Variants in REEP3 observed in about 807,000 individuals in gnomAD.
The protein encoded by REEP3 is receptor expression-enhancing protein 3.
REEP3 carries 20 observed loss-of-function variants against 41.3 expected under a neutral mutation model. The ratio of observed to expected loss-of-function variants is 0.48; its 90% CI spans 0.34 to 0.70. The LOEUF is 0.70. Among genes scored for constraint, REEP3 ranks in the 30% least tolerant of loss-of-function variants. The pLI is 0.01. For missense variants in REEP3, 271 were observed against 308.8 expected, an observed-to-expected ratio of 0.88 and a Z score of 0.92; for synonymous variants, 104 against 101.8, an observed-to-expected ratio of 1.02 and a Z score of -0.13.
chr10:63,533,817 C>T (rs1955449293), intron 1 of REEP3, among the ~76,000 whole-genome samples: 1 of 150,768 alleles, frequency 6.6e-6, no homozygotes, highest in Non-Finnish European at 1.5e-5. Flanking sequence ...AAGCAATTCT[C>T]CTACCTCAGC....
chr10:63,617,126 C>T (rs1956318043), intron 6 of REEP3, among the ~76,000 whole-genome samples: 1 of 152,172 alleles, frequency 6.6e-6, no homozygotes, highest in South Asian at 2.1e-4. Flanking sequence ...CTACTCTCCT[C>T]ACTGCCTCTG....
chr10:63,581,052 G>T (rs1955949547), intron 2 of REEP3, among the ~76,000 whole-genome samples: 1 of 152,084 alleles, frequency 6.6e-6, no homozygotes, highest in African/African-American at 2.4e-5. Flanking sequence ...ATATCAGATA[G>T]ACCTATTTTT....
chr10:63,533,815 C>T (rs1197781829), intron 1 of REEP3, among the ~76,000 whole-genome samples: 2 of 150,582 alleles, frequency 1.3e-5, no homozygotes, highest in Non-Finnish European at 2.9e-5. Context: ...TCAAGCAATT[C>T]TCCTACCTCA....
chr10:63,581,153 A>G (rs1019167241), intron 2 of REEP3, among the ~76,000 whole-genome samples: 2 of 152,226 alleles, frequency 1.3e-5, no homozygotes, highest in African/African-American at 4.8e-5. Flanking sequence ...CCAGACATGT[A>G]CATCATCTTT....
intron 2 of REEP3, among the ~76,000 whole-genome samples, chr10:63,571,782 A>G (rs903505672): frequency 3.9e-5 from 6 of 152,248 alleles, no homozygotes; most frequent in Non-Finnish European, 7.3e-5. Context: ...TGAAGTAGGC[A>G]TAGAAAATAT....
intron 1 of REEP3, among the ~76,000 whole-genome samples, chr10:63,536,657 A>G (rs1213349666): frequency 6.6e-6 from 1 of 152,178 alleles, no homozygotes; most frequent in African/African-American, 2.4e-5. Flanking sequence ...ATTCTTTAAA[A>G]TCAGTAAGAA....
At chr10:63,609,598 T>C (rs541601196) in intron 5 of REEP3, among the ~76,000 whole-genome samples, 30 of 151,620 alleles carry the variant, frequency 2.0e-4, no homozygotes, top group Non-Finnish European at 3.7e-4. Context: ...CCATCTCTGT[T>C]AAAAATACAA....
At chr10:63,564,554 C>T (rs760897933) in intron 1 of REEP3, among the ~76,000 whole-genome samples, 2 of 151,450 alleles carry the variant, frequency 1.3e-5, no homozygotes, top group Admixed American at 6.6e-5. Flanking sequence ...ACCTGGGAGA[C>T]GGAGGCTGCA....
intron 2 of REEP3, among the ~76,000 whole-genome samples, chr10:63,569,283 T>G (rs977675195): frequency 3.1e-4 from 47 of 152,172 alleles, no homozygotes; most frequent in African/African-American, 1.1e-3. Context: ...GTTATTAAAT[T>G]AGATCTTTTT....
At chr10:63,524,438 CTT>C (rs1028959261) in intron 1 of REEP3, among the ~76,000 whole-genome samples, 1 of 149,452 alleles carries the variant, frequency 6.7e-6, no homozygotes, top group African/African-American at 2.5e-5. Context: ...GGACACCACT[CTT>C]TTTTTTTTCT....
chr10:63,521,540 G>T lies in REEP3; in HGVS notation c.-6G>T. ...CCCCGGACGTGGGGCCCAAGCCCCCGTGAAGATGGTGTCCTGGATGATCTC... is the reference window on the plus strand; with the variant it reads ...CCCCGGACGTGGGGCCCAAGCCCCCTTGAAGATGGTGTCCTGGATGATCTC... On this transcript the variant is annotated 5_prime_UTR_variant, in exon 1 of 8. Transcript: ENST00000373758. 7.2e-7 allele frequency: 1 copy of T among 1,386,634 alleles called. No individual in the cohort carries two copies. Among genetic ancestry groups the T allele is most frequent in the South Asian group, 1.5e-5 (1 of 68,082 alleles). 85.9% of individuals were successfully genotyped at this position (1,386,634 alleles called of 1,614,324 possible). A position where few individuals can be genotyped will look rare whatever the true frequency, so the allele number is the denominator to read the frequency against.
chr10:63,574,033 TATTATGG>T (rs1955876390), intron 2 of REEP3, among the ~76,000 whole-genome samples: 1 of 152,200 alleles, frequency 6.6e-6, no homozygotes, highest in African/African-American at 2.4e-5. Flanking sequence ...TTCCAAGGCT[TATTATGG>T]AAAACAGTAG....
chr10:63,591,712 T>C (rs1956065841), intron 2 of REEP3, among the ~76,000 whole-genome samples: 1 of 152,246 alleles, frequency 6.6e-6, no homozygotes, highest in African/African-American at 2.4e-5. Flanking sequence ...ATTAATTTGA[T>C]GACTTCATCT....
At chr10:63,536,031 C>A (rs767499487) in intron 1 of REEP3, among the ~76,000 whole-genome samples, 12 of 152,200 alleles carry the variant, frequency 7.9e-5, no homozygotes, top group Non-Finnish European at 1.5e-4. Context: ...CTGCATCAGG[C>A]ATTATTCTAA....
In REEP3 at chr10:63,618,558, A is replaced by T. The variant is rs556480427; in HGVS notation, c.566-1097A>T. On this transcript the variant is annotated intron_variant, in intron 6 of 7. Transcript: ENST00000373758. ...CACCATGCCCGGCCTCTTCATGGGG[A>T]TTTCTAATCTCACCCCTTTCTTTAT... 2.6e-5 allele frequency among the ~76,000 whole-genome samples: 4 copies of T among 152,068 alleles called. No homozygotes were observed. In the East Asian group the frequency reaches 5.8e-4, roughly 22 times the overall value.
chr10:63,594,710 C>T (rs1956097583), intron 2 of REEP3, 68 bp from the exon 3 acceptor site: 2 of 925,044 alleles, frequency 2.2e-6, no homozygotes, highest in Admixed American at 1.7e-5. Context: ...TACATACATA[C>T]ATACATATTA....
intron 2 of REEP3, among the ~76,000 whole-genome samples, chr10:63,579,337 T>A (rs971271483): frequency 1.3e-5 from 2 of 152,162 alleles, no homozygotes; most frequent in Non-Finnish European, 2.9e-5. Context: ...GGCCCTTCAT[T>A]GTGTTTTCTA....
intron 1 of REEP3, among the ~76,000 whole-genome samples, chr10:63,553,972 G>A (rs1329304129): frequency 6.6e-6 from 1 of 152,042 alleles, no homozygotes; most frequent in African/African-American, 2.4e-5. Flanking sequence ...CGTGGTGGCA[G>A]GCGCCTGTAG....
chr10:63,540,435 C>T (rs541036775), intron 1 of REEP3, among the ~76,000 whole-genome samples: 1 of 152,194 alleles, frequency 6.6e-6, no homozygotes, highest in South Asian at 2.1e-4. Flanking sequence ...TCATTTCATG[C>T]CTTTTAATGT....
Sources: gnomAD v4.1 joint callset for allele counts (sites outside exome capture counted in the v4.1 genomes callset) on GRCh38, gnomAD v4.1.1 for gene constraint, MANE v1.5 for transcripts, NCBI Gene and HGNC (gene_info 2026-07-23, HGNC 2026-07-21) for gene names.